The following KCNIP4 variants were observed in gnomAD, a reference collection of about 807,000 sequenced individuals.
KCNIP4 encodes the protein Kv channel-interacting protein 4.
In KCNIP4, 12 loss-of-function variants were observed where a neutral mutation model predicts 34.0. The observed-to-expected ratio is 0.35, with a 90% CI of 0.23 to 0.57. The LOEUF is 0.57. Ranked by LOEUF, KCNIP4 falls within the 20% of genes least tolerant of loss-of-function variation. The probability of loss-of-function intolerance (pLI) is 0.83; values close to 1 mark genes in which losing one functional copy is unlikely to be tolerated. For synonymous variants in KCNIP4, 124 were observed against 102.2 expected (o/e 1.21, Z -1.29); for missense variants, 238 against 311.7 (o/e 0.76, Z 1.78).
chr4:21,789,003 G>T (rs1720092956), intron 1 of KCNIP4, among the ~76,000 whole-genome samples: 1 of 149,568 alleles, frequency 6.7e-6, no homozygotes, highest in South Asian at 2.1e-4. Context: ...AACCCGGGAG[G>T]CAGAGGCTGC....
chr4:21,113,550 A>C (rs12649352), intron 1 of KCNIP4, among the ~76,000 whole-genome samples: 44,610 of 151,350 alleles, frequency 0.29, 7,346 homozygotes, highest in African/African-American at 0.45. Context: ...TTAATCTAGA[A>C]TAAGGATTCC....
intron 1 of KCNIP4, among the ~76,000 whole-genome samples, chr4:21,226,354 A>AGAAGGAAGGAAG (rs778357072): frequency 0.22 from 30,096 of 135,584 alleles, 3,871 homozygotes; most frequent in Non-Finnish European, 0.28. Context: ...GAGAAGGAAG[A>AGAAGGAAGGAAG]GAAGGAAGGA....
intron 1 of KCNIP4, among the ~76,000 whole-genome samples, chr4:20,891,416 C>T (rs1577323780): frequency 6.6e-6 from 1 of 152,146 alleles, no homozygotes; most frequent in Admixed American, 6.5e-5. Context: ...ACCATCCTGG[C>T]CAACATGGTG....
intron 1 of KCNIP4, among the ~76,000 whole-genome samples, chr4:21,695,135 A>G (rs1245028289): frequency 6.6e-6 from 1 of 152,066 alleles, no homozygotes; most frequent in African/African-American, 2.4e-5. Flanking sequence ...ATTAATTACT[A>G]GCTAAGGGAC....
intron 1 of KCNIP4, among the ~76,000 whole-genome samples, chr4:21,226,279 CAG>C (rs137923504): frequency 0.031 from 1,825 of 59,402 alleles, 96 homozygotes; most frequent in African/African-American, 0.11. Context: ...GGGCGGGAGA[CAG>C]AGAGAGAGAG....
intron 1 of KCNIP4, among the ~76,000 whole-genome samples, chr4:21,390,337 T>C (rs905042219): frequency 1.3e-5 from 2 of 152,234 alleles, no homozygotes; most frequent in Non-Finnish European, 2.9e-5. Flanking sequence ...TTGGCTTTTG[T>C]TGCCATTGCT....
At chr4:21,019,846 A>G (rs961562508) in intron 1 of KCNIP4, among the ~76,000 whole-genome samples, 1 of 152,170 alleles carries the variant, frequency 6.6e-6, no homozygotes, top group Admixed American at 6.6e-5. Flanking sequence ...TTATATGATA[A>G]GGTTGAAAAG....
intron 3 of KCNIP4, among the ~76,000 whole-genome samples, chr4:20,833,215 A>G (rs1174870171): frequency 6.6e-6 from 1 of 152,260 alleles, no homozygotes; most frequent in Non-Finnish European, 1.5e-5. Context: ...CTTTGTTAAC[A>G]TATTAATAAT....
intron 1 of KCNIP4, among the ~76,000 whole-genome samples, chr4:21,450,390 T>C (rs1016378379): frequency 6.6e-6 from 1 of 152,204 alleles, no homozygotes; most frequent in African/African-American, 2.4e-5. Flanking sequence ...ACTTAAATCT[T>C]CCTTTTAATT....
At chr4:21,552,675 T>C (rs1560510871) in intron 1 of KCNIP4, among the ~76,000 whole-genome samples, 1 of 152,122 alleles carries the variant, frequency 6.6e-6, no homozygotes. Flanking sequence ...AGAGAACAGA[T>C]TGTTATCTGT....
intron 1 of KCNIP4, among the ~76,000 whole-genome samples, chr4:21,872,346 C>T (rs182173879): frequency 6.6e-6 from 1 of 152,272 alleles, no homozygotes; most frequent in Admixed American, 6.5e-5. Flanking sequence ...GCGCTATGAG[C>T]CAGGATTTAT....
rs953901259 is a variant in KCNIP4 at position 20,825,331 on chromosome 4, A to G, written c.288+25212T>C. ...CAATTAGAACATTCCTAACTACTTC[A>G]TAAGAGAGATGATGTAGGCATGAGT... On this transcript the variant is annotated intron_variant, in intron 3 of 8. Coordinates refer to ENST00000382152, the MANE Select transcript of KCNIP4 (RefSeq NM_025221.6). 2.0e-5 allele frequency among the ~76,000 whole-genome samples: 3 copies of G among 148,682 alleles called. No individual in the cohort carries two copies. The East Asian group carries it at 6.0e-4, about 30-fold the overall frequency.
At chr4:21,929,586 C>A (rs1365877510) in intron 1 of KCNIP4, among the ~76,000 whole-genome samples, 3 of 152,092 alleles carry the variant, frequency 2.0e-5, no homozygotes, top group Admixed American at 2.0e-4. Context: ...TATAAACATG[C>A]CCAAACTTTT....
Position 20,749,783 on chromosome 4 carries a change from A to G in KCNIP4, c.359-51T>C, listed in dbSNP as rs112653243. On this transcript the variant is annotated intron_variant, in intron 4 of 8. Transcript: ENST00000382152. ...TTAAGTCAGTGTTTCCATATCCTACATAAGACTTGGATAGCAGTCCAAGCT... is the reference window on the plus strand; with the variant it reads ...TTAAGTCAGTGTTTCCATATCCTACGTAAGACTTGGATAGCAGTCCAAGCT... 3.8e-3 allele frequency: 4,833 copies of G among 1,268,528 alleles called. 29 individuals carry two copies. The highest frequency in any genetic ancestry group is 8.6e-3 in the Middle Eastern group (46 of 5,356). 78.6% of individuals were successfully genotyped at this position (1,268,528 alleles called of 1,614,324 possible). A position where few individuals can be genotyped will look rare whatever the true frequency, so the allele number is the denominator to read the frequency against.
intron 1 of KCNIP4, among the ~76,000 whole-genome samples, chr4:21,102,623 G>T (rs1331733617): frequency 2.0e-5 from 3 of 152,094 alleles, no homozygotes; most frequent in African/African-American, 7.2e-5. Context: ...TATTTTAATT[G>T]ATATACAAAA....
intron 1 of KCNIP4, among the ~76,000 whole-genome samples, chr4:21,075,593 A>G (rs1010922040): frequency 6.6e-6 from 1 of 152,124 alleles, no homozygotes; most frequent in Admixed American, 6.5e-5. Context: ...CTCTTTATCC[A>G]ATTTGCCAGT....
intron 3 of KCNIP4, among the ~76,000 whole-genome samples, chr4:20,819,623 A>G (rs1214392698): frequency 6.6e-6 from 1 of 152,220 alleles, no homozygotes; most frequent in Non-Finnish European, 1.5e-5. Flanking sequence ...TCCAAAATTC[A>G]TATGTTGGAC....
chr4:20,737,072 A>G (rs1003288117), intron 5 of KCNIP4, among the ~76,000 whole-genome samples: 4 of 152,228 alleles, frequency 2.6e-5, no homozygotes, highest in Non-Finnish European at 5.9e-5. Flanking sequence ...TAATCTCAAT[A>G]TATGGTGCTG....
intron 5 of KCNIP4, among the ~76,000 whole-genome samples, chr4:20,745,736 T>C (rs1343587144): frequency 6.6e-6 from 1 of 152,216 alleles, no homozygotes; most frequent in African/African-American, 2.4e-5. Context: ...TTGTGGATTC[T>C]GTTCATCTGC....
Sources: allele counts gnomAD v4.1 joint callset (sites outside exome capture counted in the v4.1 genomes callset), GRCh38; gene constraint gnomAD v4.1.1; transcripts MANE v1.5; gene names NCBI Gene and HGNC (gene_info 2026-07-23, HGNC 2026-07-21).